Variants in RGS7 observed in about 807,000 individuals in gnomAD.
RGS7 encodes the protein regulator of G protein signaling 7, also known as regulator of G-protein signaling 7.
Under a neutral mutation model 81.1 loss-of-function variants are expected in RGS7, and 27 were observed. The ratio of observed to expected loss-of-function variants is 0.33; its 90% CI spans 0.25 to 0.46. The LOEUF (loss-of-function observed/expected upper bound fraction) is 0.46, where lower values mean the gene tolerates loss of function less well. Ranked by LOEUF, RGS7 falls within the 20% of genes least tolerant of loss-of-function variation. The pLI is 1.00. For missense variants in RGS7, 396 were observed against 607.4 expected (o/e 0.65, Z 3.66); for synonymous variants, 208 against 207.7 (o/e 1.00, Z -0.01).
At chr1:241,243,992 C>CA (rs1283453458) in intron 2 of RGS7, among the ~76,000 whole-genome samples, 2 of 151,958 alleles carry the variant, frequency 1.3e-5, no homozygotes, top group African/African-American at 2.4e-5. Flanking sequence ...AGCAAGGTGA[C>CA]AAAAAAGAGA....
intron 14 of RGS7, among the ~76,000 whole-genome samples, chr1:240,808,104 T>C (rs898752533): frequency 2.7e-5 from 4 of 150,402 alleles, no homozygotes; most frequent in Non-Finnish European, 4.4e-5. Flanking sequence ...AATTAACATA[T>C]GCTCAGGCAA....
intron 3 of RGS7, among the ~76,000 whole-genome samples, chr1:241,056,915 C>T (rs950910107): frequency 6.6e-6 from 1 of 152,192 alleles, no homozygotes; most frequent in Non-Finnish European, 1.5e-5. Flanking sequence ...ATGGATTCCA[C>T]TTTTCTTACT....
chr1:241,249,013 C>G (rs1375764590), intron 2 of RGS7, among the ~76,000 whole-genome samples: 1 of 152,148 alleles, frequency 6.6e-6, no homozygotes, highest in Non-Finnish European at 1.5e-5. Context: ...AGTCTATATA[C>G]AAGTGCTTTG....
At chr1:241,174,070 G>C (rs188783127) in intron 2 of RGS7, among the ~76,000 whole-genome samples, 1 of 152,196 alleles carries the variant, frequency 6.6e-6, no homozygotes, top group African/African-American at 2.4e-5. Context: ...CTGGGTTCCT[G>C]TGTTTAATGA....
intron 2 of RGS7, among the ~76,000 whole-genome samples, chr1:241,154,304 A>G (rs780443575): frequency 2.0e-5 from 3 of 152,194 alleles, no homozygotes; most frequent in Non-Finnish European, 4.4e-5. Flanking sequence ...AAGAGCCCCA[A>G]GGAGAAACAG....
intron 6 of RGS7, among the ~76,000 whole-genome samples, chr1:240,886,250 C>T (rs1667318839): frequency 6.6e-6 from 1 of 152,160 alleles, no homozygotes; most frequent in East Asian, 1.9e-4. Flanking sequence ...GTGACAGGTT[C>T]TGAGAGTTTG....
At chr1:241,307,146 G>A (rs1471576697) in intron 2 of RGS7, among the ~76,000 whole-genome samples, 5 of 151,912 alleles carry the variant, frequency 3.3e-5, no homozygotes, top group African/African-American at 4.8e-5. Context: ...TCTTGTTCCC[G>A]CCCAATCTCT....
At chr1:241,115,871 G>C (rs141162825) in intron 2 of RGS7, among the ~76,000 whole-genome samples, 16 of 152,286 alleles carry the variant, frequency 1.1e-4, no homozygotes, top group African/African-American at 3.6e-4. Context: ...TGTCGAACTG[G>C]AGGAGGGGCC....
intron 4 of RGS7, among the ~76,000 whole-genome samples, chr1:240,981,214 A>T (rs1274883696): frequency 3.9e-5 from 6 of 151,952 alleles, no homozygotes; most frequent in African/African-American, 1.5e-4. Context: ...GGTTCAAGTG[A>T]TTCTTCTGTC....
At chr1:240,950,377 G>A (rs541459654) in intron 4 of RGS7, among the ~76,000 whole-genome samples, 7 of 152,302 alleles carry the variant, frequency 4.6e-5, no homozygotes, top group African/African-American at 1.7e-4. Flanking sequence ...GACATTGTCA[G>A]ACATTATTCT....
intron 2 of RGS7, among the ~76,000 whole-genome samples, chr1:241,193,740 G>A (rs1445342936): frequency 6.6e-6 from 1 of 152,154 alleles, no homozygotes; most frequent in East Asian, 1.9e-4. Context: ...TTAAGACTGA[G>A]ACTTCTGCTA....
chr1:241,247,061 A>G (rs182501040), intron 2 of RGS7, among the ~76,000 whole-genome samples: 1 of 152,204 alleles, frequency 6.6e-6, no homozygotes, highest in African/African-American at 2.4e-5. Flanking sequence ...GGACCATTGT[A>G]CATATGTTCT....
intron 3 of RGS7, among the ~76,000 whole-genome samples, chr1:241,066,159 G>T (rs1046469948): frequency 1.3e-5 from 2 of 152,118 alleles, no homozygotes; most frequent in African/African-American, 4.8e-5. Flanking sequence ...ATGGAATTTT[G>T]ATTTGATATC....
chr1:241,124,683 C>T (rs1248789808), intron 2 of RGS7, among the ~76,000 whole-genome samples: 2 of 152,202 alleles, frequency 1.3e-5, no homozygotes, highest in South Asian at 2.1e-4. Flanking sequence ...GGACCTGAAT[C>T]GTGGCAGGAG....
At chr1:241,033,475 A>G (rs956090113) in intron 3 of RGS7, among the ~76,000 whole-genome samples, 3 of 152,184 alleles carry the variant, frequency 2.0e-5, no homozygotes, top group African/African-American at 7.2e-5. Flanking sequence ...AAAATGATAT[A>G]TTAAAATTTT....
At chr1:240,990,125 A>G (rs1686246280) in intron 3 of RGS7, among the ~76,000 whole-genome samples, 1 of 152,222 alleles carries the variant, frequency 6.6e-6, no homozygotes, top group South Asian at 2.1e-4. Flanking sequence ...TTCCTGTATC[A>G]GCCAACTGTG....
chr1:241,198,903 G>A (rs1227449765), intron 2 of RGS7, among the ~76,000 whole-genome samples: 1 of 152,058 alleles, frequency 6.6e-6, no homozygotes, highest in African/African-American at 2.4e-5. Context: ...ACCAATCATT[G>A]TCATAAACCC....
intron 3 of RGS7, among the ~76,000 whole-genome samples, chr1:241,030,180 A>C (rs777336787): frequency 3.9e-5 from 6 of 152,146 alleles, no homozygotes; most frequent in Non-Finnish European, 7.4e-5. Context: ...TATCAAGACA[A>C]TGGCAAATAT....
intron 9 of RGS7, among the ~76,000 whole-genome samples, chr1:240,839,402 G>A (rs147967508): frequency 0.015 from 2,252 of 152,246 alleles, 17 homozygotes; most frequent in Non-Finnish European, 0.023. Context: ...TCTTGGCTGA[G>A]TTTTGGATAG....
Sources: allele counts gnomAD v4.1 joint callset (sites outside exome capture counted in the v4.1 genomes callset), GRCh38; gene constraint gnomAD v4.1.1; transcripts MANE v1.5; gene names NCBI Gene and HGNC (gene_info 2026-07-23, HGNC 2026-07-21).